The following TDRD9 variants were observed in gnomAD, a reference collection of about 807,000 sequenced individuals.
TDRD9 encodes the protein ATP-dependent RNA helicase TDRD9.
In TDRD9, 124 loss-of-function variants were observed where a neutral mutation model predicts 172.6. That is an observed-to-expected ratio of 0.72 (90% CI 0.62 to 0.83). The LOEUF (loss-of-function observed/expected upper bound fraction) is 0.83, where lower values mean the gene tolerates loss of function less well. TDRD9 is among the 40% of genes least tolerant of loss of function. The pLI is 0.00. For missense variants in TDRD9, 1,479 were observed against 1,714.1 expected, an observed-to-expected ratio of 0.86 and a Z score of 2.42; for synonymous variants, 619 against 617.1, an observed-to-expected ratio of 1.00 and a Z score of -0.05.
chr14:104,016,476 G>T (rs1174756716), intron 22 of TDRD9, among the ~76,000 whole-genome samples: 4 of 152,220 alleles, frequency 2.6e-5, no homozygotes, highest in Non-Finnish European at 5.9e-5. Flanking sequence ...GCTTAAGCCA[G>T]TGACCCCCCG....
At chr14:104,042,986 T>C (rs2035654590) in intron 34 of TDRD9, among the ~76,000 whole-genome samples, 1 of 152,036 alleles carries the variant, frequency 6.6e-6, no homozygotes, top group African/African-American at 2.4e-5. Context: ...AGTTTTAGTT[T>C]TCTCTCTTCA....
intron 18 of TDRD9, 78 bp from the exon 19 acceptor site, chr14:104,007,082 A>T: frequency 7.4e-7 from 1 of 1,348,154 alleles, no homozygotes; most frequent in Non-Finnish European, 1.0e-6. Context: ...GTAAATTTTC[A>T]GGTTTGTTGA....
intron 32 of TDRD9, among the ~76,000 whole-genome samples, chr14:104,038,258 A>G (rs1245365620): frequency 6.6e-6 from 1 of 151,544 alleles, no homozygotes; most frequent in Admixed American, 6.6e-5. Flanking sequence ...AAAACCTAAA[A>G]ATTAATATCT....
chr14:103,984,321 C>G (rs1357267475), intron 7 of TDRD9, among the ~76,000 whole-genome samples: 2 of 152,304 alleles, frequency 1.3e-5, no homozygotes, highest in East Asian at 3.9e-4. Context: ...CACGGCAGCC[C>G]CTCACATCAC....
At chr14:104,050,086 G>A (rs189708682) in intron 35 of TDRD9, 233 of 169,306 alleles carry the variant, frequency 1.4e-3, no homozygotes, top group Non-Finnish European at 1.0e-3. Flanking sequence ...GTGCCACCAC[G>A]GGTAGGGGCT....
At chr14:104,045,936 A>C (rs1196953822) in intron 34 of TDRD9, among the ~76,000 whole-genome samples, 1 of 152,202 alleles carries the variant, frequency 6.6e-6, no homozygotes, top group African/African-American at 2.4e-5. Flanking sequence ...CAGTTATAAC[A>C]GGGGAAAATG....
At chr14:103,941,601 C>A in intron 1 of TDRD9, 1 of 1,535,150 alleles carries the variant, frequency 6.5e-7, no homozygotes, top group East Asian at 2.4e-5. Context: ...TTTTAATTCC[C>A]GAAGCAGAGT....
In TDRD9 at chr14:103,939,733, G is replaced by GA. The variant is rs1206014725; in HGVS notation, c.215+11016dup. The GA allele has an allele frequency of 2.1e-4, 2 of 9,530 alleles. 1 individual carries two copies. The highest frequency in any genetic ancestry group is 4.4e-4 in the Non-Finnish European group (2 of 4,552). 0.6% of individuals were successfully genotyped at this position (9,530 alleles called of 1,614,324 possible). A position where few individuals can be genotyped will look rare whatever the true frequency, so the allele number is the denominator to read the frequency against. ...GTGTATATTTAGTTCTAGTCTTTTT[G>GA]AAAAAAAGTGTTTTTTTTTTTTTTT... On this transcript the variant is annotated intron_variant, in intron 1 of 35. Coordinates refer to ENST00000409874, the MANE Select transcript of TDRD9 (RefSeq NM_153046.3).
chr14:104,042,044 T>C (rs1248632669), intron 33 of TDRD9, 25 bp from the exon 34 acceptor site: 2 of 1,393,298 alleles, frequency 1.4e-6, no homozygotes, highest in Non-Finnish European at 2.0e-6. Flanking sequence ...GCCTTATGAG[T>C]GTTTATGTTG....
rs1276988056 is a variant in TDRD9, at chr14:104,007,840, C to T, written c.2053-573C>T. 2.0e-5 allele frequency among the ~76,000 whole-genome samples: 3 copies of T among 151,816 alleles called. No individual in the cohort carries two copies. The South Asian group carries it at 6.2e-4, about 32-fold the overall frequency. ...TCGCCCAGGCTGGAGTGCAGTGGCA[C>T]GATCTTGGCTCACTGCAAGCTCTGT... On this transcript the variant is annotated intron_variant, in intron 19 of 35. Transcript: ENST00000409874.
intron 28 of TDRD9, among the ~76,000 whole-genome samples, chr14:104,030,523 A>G (rs559008869): frequency 6.6e-6 from 1 of 152,354 alleles, no homozygotes; most frequent in South Asian, 2.1e-4. Context: ...ACCCCAAAAA[A>G]CTGTAAAAAA....
At position 104,035,059 on chromosome 14, in the gene TDRD9, A is replaced by G. The variant is rs773919914; in HGVS notation, c.3716+3A>G. Reference sequence around the variant, plus strand: ...TTCGCACCGGTGATAGAGTTAAGGTACGGGCATCCCTCTTGTCTATAGGCT... The same window carrying G: ...TTCGCACCGGTGATAGAGTTAAGGTGCGGGCATCCCTCTTGTCTATAGGCT... On this transcript the variant is annotated splice_donor_region_variant and intron_variant, in intron 32 of 35. Coordinates refer to ENST00000409874, the MANE Select transcript of TDRD9 (RefSeq NM_153046.3). 3.4e-4 allele frequency: 534 copies of G among 1,550,470 alleles called. No individual in the cohort carries two copies. Among genetic ancestry groups the G allele is most frequent in the Non-Finnish European group, 3.4e-4 (394 of 1,146,126 alleles).
rs754649532 is a variant in TDRD9, at chr14:104,006,385, A to G, written c.1714-4A>G. On this transcript the variant is annotated splice_polypyrimidine_tract_variant and splice_region_variant and intron_variant, in intron 15 of 35. Coordinates refer to ENST00000409874, the MANE Select transcript of TDRD9 (RefSeq NM_153046.3). ...GATAATAACACTAATTTTATTTTAT[A>G]AAGGTTGGAGCACTTGCAGTGAGTG... is the stretch of plus-strand genomic sequence containing the variant. The G allele has an allele frequency of 2.5e-6, 4 of 1,610,654 alleles. No homozygotes were observed. Among genetic ancestry groups the G allele is most frequent in the Non-Finnish European group, 3.4e-6 (4 of 1,178,392 alleles).
At chr14:103,992,426 G>T (rs1028779244) in intron 9 of TDRD9, among the ~76,000 whole-genome samples, 9 of 152,168 alleles carry the variant, frequency 5.9e-5, no homozygotes, top group African/African-American at 1.9e-4. Context: ...TACATGCAGG[G>T]AACAACCATG....
chr14:104,051,679 G>A (rs1412896967), intron 35 of TDRD9, among the ~76,000 whole-genome samples: 1 of 152,144 alleles, frequency 6.6e-6, no homozygotes, highest in African/African-American at 2.4e-5. Context: ...TTGTGGTTTT[G>A]ATTTGCACTT....
At chr14:103,988,237 G>A (rs1186726943) in intron 8 of TDRD9, among the ~76,000 whole-genome samples, 1 of 151,646 alleles carries the variant, frequency 6.6e-6, no homozygotes, top group Non-Finnish European at 1.5e-5. Flanking sequence ...GCAGTGGTGT[G>A]ATCTCAGCTC....
intron 13 of TDRD9, 123 bp from the exon 14 acceptor site, chr14:104,004,115 A>G (rs2034353952): frequency 6.2e-6 from 3 of 486,164 alleles, no homozygotes; most frequent in Non-Finnish European, 1.1e-5. Context: ...TTACTGACAT[A>G]GTCTGGTGGA....
intron 13 of TDRD9, 32 bp from the exon 14 acceptor site, chr14:104,004,206 C>G (rs1457529350): frequency 1.7e-6 from 2 of 1,143,356 alleles, no homozygotes; most frequent in South Asian, 2.8e-5. Context: ...GTAATTAATG[C>G]CAAACACTGT....
At chr14:104,035,958 G>C (rs2035439643) in intron 32 of TDRD9, among the ~76,000 whole-genome samples, 1 of 152,100 alleles carries the variant, frequency 6.6e-6, no homozygotes, top group Non-Finnish European at 1.5e-5. Flanking sequence ...TTCAGAATCT[G>C]ACAGTGCAAT....
Sources: allele counts gnomAD v4.1 joint callset (sites outside exome capture counted in the v4.1 genomes callset), GRCh38; gene constraint gnomAD v4.1.1; transcripts MANE v1.5; gene names NCBI Gene and HGNC (gene_info 2026-07-23, HGNC 2026-07-21).